The following SLC7A2 variants were observed in gnomAD, a reference collection of about 807,000 sequenced individuals.
The protein encoded by SLC7A2 is cationic amino acid transporter 2.
A neutral mutation model predicts 58.9 loss-of-function variants in SLC7A2; 48 were observed. That is an observed-to-expected ratio of 0.82 (90% CI 0.65 to 1.04). SLC7A2 has a LOEUF of 1.04. Ranked by LOEUF, SLC7A2 falls within the 50% of genes least tolerant of loss-of-function variation. The probability of loss-of-function intolerance (pLI) is 0.00; values close to 1 mark genes in which losing one functional copy is unlikely to be tolerated. For synonymous variants in SLC7A2, 363 were observed against 314.5 expected (o/e 1.15, Z -1.63); for missense variants, 1,029 against 818.8 (o/e 1.26, Z -3.13).
chr8:17,543,779 C>G, intron 3 of SLC7A2, 64 bp downstream of exon 3: 1 of 1,438,284 alleles, frequency 7.0e-7, no homozygotes, highest in South Asian at 1.4e-5. Context: ...GAGTCACAGC[C>G]CTTAGGTTCA....
chr8:17,566,495 T>C lies in SLC7A2; in HGVS notation c.*1349T>C, dbSNP rs892066042. On this transcript the variant is annotated 3_prime_UTR_variant, in exon 13 of 13. Transcript: ENST00000494857. ...TGTAGCACTTTTTATTCCATTTGCT[T>C]TCAAATGACTACACTAAGCCTAATA... 3 of 152,180 alleles carry C rather than the reference T, an allele frequency of 2.0e-5. No homozygotes were observed. The highest frequency in any genetic ancestry group is 7.2e-5 in the African/African-American group (3 of 41,436). The allele number at this position is 152,180 out of a possible 1,614,324, so 9.4% of individuals were successfully genotyped here. A position where few individuals can be genotyped will look rare whatever the true frequency, so the allele number is the denominator to read the frequency against.
At chr8:17,523,403 G>C (rs193027256) in intron 2 of SLC7A2, among the ~76,000 whole-genome samples, 1 of 152,152 alleles carries the variant, frequency 6.6e-6, no homozygotes, top group Non-Finnish European at 1.5e-5. Flanking sequence ...CATGGTATTG[G>C]TATAAGAATA....
chr8:17,553,940 G>A (rs985129169), intron 7 of SLC7A2, among the ~76,000 whole-genome samples: 1 of 152,122 alleles, frequency 6.6e-6, no homozygotes, highest in Non-Finnish European at 1.5e-5. Context: ...AACTTCAGCT[G>A]CTAACTTTTC....
intron 2 of SLC7A2, among the ~76,000 whole-genome samples, chr8:17,529,617 A>G (rs949330520): frequency 2.0e-5 from 3 of 150,482 alleles, no homozygotes; most frequent in African/African-American, 4.9e-5. Context: ...TGCAACCTCT[A>G]TCTACCTCCT....
intron 2 of SLC7A2, among the ~76,000 whole-genome samples, chr8:17,529,410 C>T (rs937838827): frequency 1.3e-5 from 2 of 152,128 alleles, no homozygotes; most frequent in Admixed American, 6.5e-5. Flanking sequence ...AGCAGTTTTC[C>T]CTTCATTGGG....
At chr8:17,560,931 A>G (rs934281936) in intron 10 of SLC7A2, among the ~76,000 whole-genome samples, 2 of 152,162 alleles carry the variant, frequency 1.3e-5, no homozygotes, top group Non-Finnish European at 2.9e-5. Context: ...TCATTCATTC[A>G]TATTTTCAAT....
intron 2 of SLC7A2, among the ~76,000 whole-genome samples, chr8:17,542,920 C>T (rs899615676): frequency 1.3e-5 from 2 of 152,126 alleles, no homozygotes; most frequent in Non-Finnish European, 2.9e-5. Flanking sequence ...CAAGATTGTG[C>T]CACTGCCCTC....
In SLC7A2 at chr8:17,519,135, A is replaced by G. The variant is rs73666177; in HGVS notation, c.-23+16833A>G. On this transcript the variant is annotated intron_variant, in intron 2 of 12. Transcript: ENST00000494857. ...ATAGGAATTTTGGGGGAACACAAAT[A>G]TTTTGTTTGTAACAAGCAGCTAGTA... Among the ~76,000 whole-genome samples the G allele has an allele frequency of 5.7e-3, 874 of 152,230 alleles. 8 individuals are homozygous for G. The highest frequency in any genetic ancestry group is 0.02 in the African/African-American group (831 of 41,518).
chr8:17,562,177 AGTATTTTTTTTTTTT>A, intron 11 of SLC7A2, 67 bp downstream of exon 11: 1 of 601,614 alleles, frequency 1.7e-6, no homozygotes, highest in African/African-American at 2.7e-5. Context: ...TAGTTTGGTA[AGTATTTTTTTTTTTT>A]TTTTTTTTTT....
intron 2 of SLC7A2, among the ~76,000 whole-genome samples, chr8:17,536,487 C>T (rs1019937211): frequency 1.3e-5 from 2 of 152,084 alleles, no homozygotes; most frequent in Non-Finnish European, 2.9e-5. Flanking sequence ...TCACTTGAAC[C>T]CGAGAGGCGG....
chr8:17,509,586 G>A (rs1585185990), intron 2 of SLC7A2, among the ~76,000 whole-genome samples: 1 of 152,068 alleles, frequency 6.6e-6, no homozygotes, highest in African/African-American at 2.4e-5. Flanking sequence ...GAAGACAGGC[G>A]GGAGCCACCA....
intron 7 of SLC7A2, among the ~76,000 whole-genome samples, chr8:17,552,584 AAATATGTGAAGGGAAG>A (rs1802504818): frequency 1.6e-5 from 2 of 123,926 alleles, no homozygotes; most frequent in African/African-American, 6.0e-5. Flanking sequence ...AAATTCATAT[AAATATGTGAAGGGAAG>A]CACCAATCAG....
chr8:17,515,434 T>C (rs1257290901), intron 2 of SLC7A2, among the ~76,000 whole-genome samples: 1 of 152,106 alleles, frequency 6.6e-6, no homozygotes, highest in Non-Finnish European at 1.5e-5. Flanking sequence ...TAGCTGGGAT[T>C]ACAGGCACAT....
chr8:17,544,482 C>T lies in SLC7A2; in HGVS notation c.408C>T (p.Gly136=). The T allele has an allele frequency of 6.2e-7, 1 of 1,613,970 alleles. No individual in the cohort carries two copies. The highest frequency in any genetic ancestry group is 8.5e-7 in the Non-Finnish European group (1 of 1,179,882). The change falls in exon 4 of 13, where the codon GGC becomes GGT. Residue 136 remains glycine, a synonymous_variant. Transcript: ENST00000494857. ...CAAGTGTTGCAAGAGCCTGGAGTGG[C>T]ACCTTTGATGAACTTCTTAGCAAAC... is the stretch of plus-strand genomic sequence containing the variant. ...GTSSVARAWS[G]TFDELLSKQI...
rs78325546 is a variant in SLC7A2, at chr8:17,555,135, G to A, written c.1195+436G>A. On this transcript the variant is annotated intron_variant, in intron 8 of 12. Coordinates refer to ENST00000494857, the MANE Select transcript of SLC7A2 (RefSeq NM_001370338.1). ...AGCATTAGACTGGAACATTTAATTC[G>A]CATGCATGGACTTATAAAGAGGGTC... The A allele has an allele frequency of 6.4e-3, 10,044 of 1,564,406 alleles. 39 individuals carry two copies. The highest frequency in any genetic ancestry group is 7.6e-3 in the Non-Finnish European group (8,703 of 1,140,248).
At chr8:17,502,114 T>C (rs1800184450) in intron 1 of SLC7A2, 143 bp from the exon 2 acceptor site, 3 of 151,510 alleles carry the variant, frequency 2.0e-5, no homozygotes, top group Non-Finnish European at 2.9e-5. Flanking sequence ...ATTATATATA[T>C]ACGTATATAT....
chr8:17,501,589 A>C (rs1308994131), intron 1 of SLC7A2, among the ~76,000 whole-genome samples: 1 of 152,070 alleles, frequency 6.6e-6, no homozygotes, highest in African/African-American at 2.4e-5. Context: ...GTTGTGGAAA[A>C]TCTTGAAATT....
chr8:17,543,213 CACAA>C, intron 2 of SLC7A2, 101 bp from the exon 3 acceptor site: 2 of 937,524 alleles, frequency 2.1e-6, no homozygotes, highest in Non-Finnish European at 1.6e-6. Context: ...CACACACACA[CACAA>C]ACACACACAC....
At chr8:17,524,910 T>C (rs1385909144) in intron 2 of SLC7A2, among the ~76,000 whole-genome samples, 7 of 152,146 alleles carry the variant, frequency 4.6e-5, no homozygotes, top group Non-Finnish European at 8.8e-5. Flanking sequence ...TTGCTGCTTA[T>C]AGTGATAGCA....
Sources: gnomAD v4.1 joint callset for allele counts (sites outside exome capture counted in the v4.1 genomes callset) on GRCh38, gnomAD v4.1.1 for gene constraint, MANE v1.5 for transcripts, NCBI Gene and HGNC (gene_info 2026-07-23, HGNC 2026-07-21) for gene names.